Variants in SLC16A7 observed in about 807,000 individuals in gnomAD.
SLC16A7 encodes solute carrier family 16 member 7.
A neutral mutation model predicts 34.9 loss-of-function variants in SLC16A7; 33 were observed. The ratio of observed to expected loss-of-function variants is 0.94; its 90% CI spans 0.72 to 1.26. SLC16A7 has a LOEUF of 1.26. Among genes scored for constraint, SLC16A7 ranks in the 50% most tolerant of loss-of-function variants. The pLI is 0.00. For missense variants in SLC16A7, 573 were observed against 578.1 expected (o/e 0.99, Z 0.09); for synonymous variants, 201 against 206.6 (o/e 0.97, Z 0.23).
Position 59,628,864 on chromosome 12 carries a change from T to C in SLC16A7, c.-129-26288T>C, listed in dbSNP as rs17122752. Among the ~76,000 whole-genome samples, 1,450 of 151,968 alleles carry C rather than the reference T, an allele frequency of 9.5e-3. 25 individuals carry two copies. The highest frequency in any genetic ancestry group is 0.034 in the African/African-American group (1,394 of 41,498). On this transcript the variant is annotated intron_variant, in intron 1 of 5. Coordinates refer to ENST00000547379, the MANE Select transcript of SLC16A7 (RefSeq NM_001270623.2). ...CTACATTAGATTCTCAAAAGACTTT[T>C]TAAAATCTTCATTTACATTGCTTGG...
chr12:59,611,542 T>C (rs1161131561), intron 1 of SLC16A7, among the ~76,000 whole-genome samples: 2 of 152,202 alleles, frequency 1.3e-5, no homozygotes, highest in African/African-American at 2.4e-5. Context: ...TCAAAACTTA[T>C]ATCCTCACAT....
Position 59,685,115 on chromosome 12 carries a change from A to G in SLC16A7, c.-30-19657A>G, listed in dbSNP as rs140889565. On this transcript the variant is annotated intron_variant, in intron 2 of 5. Transcript: ENST00000547379. Reference sequence around the variant, plus strand: ...TTTAGGATGATGGTTCTTTCCGGTCATCTTCCATAAGTGACAAGCAGGATC... The same window carrying G: ...TTTAGGATGATGGTTCTTTCCGGTCGTCTTCCATAAGTGACAAGCAGGATC... 2.0e-3 allele frequency among the ~76,000 whole-genome samples: 300 copies of G among 152,300 alleles called. 1 individual carries two copies. Among genetic ancestry groups the G allele is most frequent in the African/African-American group, 6.9e-3 (288 of 41,584 alleles).
intron 2 of SLC16A7, among the ~76,000 whole-genome samples, chr12:59,656,701 G>A (rs1420549720): frequency 6.6e-6 from 1 of 152,008 alleles, no homozygotes; most frequent in Non-Finnish European, 1.5e-5. Flanking sequence ...CAGCCTCAGA[G>A]TAGAAACAGC....
chr12:59,605,284 A>G (rs1184716650), intron 1 of SLC16A7, among the ~76,000 whole-genome samples: 1 of 152,198 alleles, frequency 6.6e-6, no homozygotes, highest in Non-Finnish European at 1.5e-5. Flanking sequence ...GAAAGTAACA[A>G]CCCCTTGTGG....
chr12:59,657,373 C>G (rs559688880), intron 2 of SLC16A7, among the ~76,000 whole-genome samples: 2 of 151,824 alleles, frequency 1.3e-5, no homozygotes, highest in Non-Finnish European at 2.9e-5. Context: ...ACTTATTGTT[C>G]TGTCTTAGCT....
chr12:59,609,187 G>A (rs867113764), intron 1 of SLC16A7, among the ~76,000 whole-genome samples: 3 of 152,334 alleles, frequency 2.0e-5, no homozygotes, highest in Non-Finnish European at 2.9e-5. Flanking sequence ...GGGAATGGAA[G>A]ATGGCAAAGG....
chr12:59,737,960 G>T (rs1468113189), intron 3 of SLC16A7, among the ~76,000 whole-genome samples: 1 of 152,162 alleles, frequency 6.6e-6, no homozygotes, highest in Non-Finnish European at 1.5e-5. Context: ...ATACTGCTTT[G>T]CCTATACAGT....
intron 1 of SLC16A7, among the ~76,000 whole-genome samples, chr12:59,631,348 A>G (rs967350350): frequency 1.3e-5 from 2 of 151,892 alleles, no homozygotes; most frequent in African/African-American, 4.8e-5. Context: ...GGGACATCAA[A>G]CTTGGAACAG....
chr12:59,758,192 C>T (rs1414103336), intron 3 of SLC16A7, among the ~76,000 whole-genome samples: 1 of 151,892 alleles, frequency 6.6e-6, no homozygotes, highest in East Asian at 1.9e-4. Flanking sequence ...AAAAACTATA[C>T]CATGCTTTAC....
chr12:59,730,834 A>G (rs1035706140), intron 3 of SLC16A7, among the ~76,000 whole-genome samples: 1 of 152,178 alleles, frequency 6.6e-6, no homozygotes, highest in Admixed American at 6.5e-5. Flanking sequence ...AGAAAGTTTC[A>G]TGGTCTCTGA....
chr12:59,718,262 T>C (rs1466981884), intron 3 of SLC16A7, among the ~76,000 whole-genome samples: 1 of 152,174 alleles, frequency 6.6e-6, no homozygotes, highest in South Asian at 2.1e-4. Flanking sequence ...TTTGGAGTGC[T>C]TAATCATTGA....
At chr12:59,702,804 C>CT (rs562268755) in intron 2 of SLC16A7, among the ~76,000 whole-genome samples, 2 of 151,618 alleles carry the variant, frequency 1.3e-5, no homozygotes, top group Admixed American at 6.6e-5. Context: ...TTTTTGCTTG[C>CT]TTTTTTTTCT....
intron 1 of SLC16A7, among the ~76,000 whole-genome samples, chr12:59,636,653 T>C (rs1034300184): frequency 6.6e-6 from 1 of 152,084 alleles, no homozygotes; most frequent in Non-Finnish European, 1.5e-5. Context: ...TAGGAATTTA[T>C]TATCAGATAT....
At chr12:59,665,545 A>G (rs1049969015) in intron 2 of SLC16A7, among the ~76,000 whole-genome samples, 6 of 152,100 alleles carry the variant, frequency 3.9e-5, no homozygotes, top group Admixed American at 2.6e-4. Flanking sequence ...AAGTTATTGT[A>G]CAGTTATATT....
intron 3 of SLC16A7, among the ~76,000 whole-genome samples, chr12:59,739,833 A>G (rs1469238251): frequency 6.6e-6 from 1 of 152,162 alleles, no homozygotes; most frequent in Non-Finnish European, 1.5e-5. Flanking sequence ...TTGGCTGCAT[A>G]AATGTCTTCT....
intron 1 of SLC16A7, among the ~76,000 whole-genome samples, chr12:59,636,966 T>C (rs1236105330): frequency 6.6e-6 from 1 of 152,144 alleles, no homozygotes; most frequent in East Asian, 1.9e-4. Flanking sequence ...AGAAGTCAAG[T>C]ACCTCTGACC....
chr12:59,743,843 T>C (rs1043214224), intron 3 of SLC16A7, among the ~76,000 whole-genome samples: 14 of 152,200 alleles, frequency 9.2e-5, no homozygotes, highest in East Asian at 3.8e-4. Context: ...CCTGGCTCTG[T>C]AATTTGTTCA....
chr12:59,711,219 G>A (rs1472431552), intron 3 of SLC16A7, among the ~76,000 whole-genome samples: 3 of 152,142 alleles, frequency 2.0e-5, no homozygotes, highest in Non-Finnish European at 2.9e-5. Flanking sequence ...CGTAATGGAA[G>A]GGCACTACTG....
intron 2 of SLC16A7, among the ~76,000 whole-genome samples, chr12:59,690,100 A>T (rs1039700759): frequency 6.6e-6 from 1 of 152,038 alleles, no homozygotes; most frequent in Admixed American, 6.6e-5. Flanking sequence ...GGATATACAC[A>T]CAATGATTGT....
Sources: allele counts gnomAD v4.1 joint callset (sites outside exome capture counted in the v4.1 genomes callset), GRCh38; gene constraint gnomAD v4.1.1; transcripts MANE v1.5; gene names NCBI Gene and HGNC (gene_info 2026-07-23, HGNC 2026-07-21).